PRMT3: variants seen among roughly 807,000 people sequenced by gnomAD.
PRMT3 encodes the protein protein arginine methyltransferase 3.
PRMT3 carries 62 observed loss-of-function variants against 71.9 expected under a neutral mutation model. That is an observed-to-expected ratio of 0.86 (90% CI 0.70 to 1.07). PRMT3 has a LOEUF of 1.07. Among genes scored for constraint, PRMT3 ranks in the 50% least tolerant of loss-of-function variants. PRMT3 has a pLI of 0.00. For missense variants in PRMT3, 663 were observed against 643.0 expected (o/e 1.03, Z -0.34); for synonymous variants, 213 against 220.4 (o/e 0.97, Z 0.30).
At chr11:20,505,865 CA>C (rs11309284) in intron 15 of PRMT3, among the ~76,000 whole-genome samples, 127,395 of 141,194 alleles carry the variant, frequency 0.9, 57,647 homozygotes, top group Middle Eastern at 0.98. Flanking sequence ...ATATTTTTAC[CA>C]AAAAAAAAAA....
chr11:20,425,144 T>C (rs541454173), intron 9 of PRMT3, among the ~76,000 whole-genome samples: 67 of 150,514 alleles, frequency 4.5e-4, no homozygotes, highest in African/African-American at 1.6e-3. Flanking sequence ...ACTGACCTGA[T>C]GTTTTAAATG....
chr11:20,409,718 A>G (rs1410290707), intron 9 of PRMT3, among the ~76,000 whole-genome samples: 1 of 151,834 alleles, frequency 6.6e-6, no homozygotes, highest in Non-Finnish European at 1.5e-5. Flanking sequence ...ATAGAATTAC[A>G]CATACATATA....
chr11:20,407,493 A>G (rs1395723925), intron 8 of PRMT3: 1 of 157,816 alleles, frequency 6.3e-6, no homozygotes, highest in East Asian at 1.8e-4. Flanking sequence ...TAATGTTTAT[A>G]AAAGTAATTA....
intron 11 of PRMT3, among the ~76,000 whole-genome samples, chr11:20,455,163 T>A (rs1222247507): frequency 6.6e-6 from 1 of 152,098 alleles, no homozygotes; most frequent in African/African-American, 2.4e-5. Context: ...TTTTTACAAC[T>A]ACGATTAAGA....
At chr11:20,485,353 T>C (rs1225993488) in intron 13 of PRMT3, among the ~76,000 whole-genome samples, 1 of 151,910 alleles carries the variant, frequency 6.6e-6, no homozygotes, top group East Asian at 1.9e-4. Context: ...CAAAACAACA[T>C]GAATCAAGAA....
intron 10 of PRMT3, among the ~76,000 whole-genome samples, chr11:20,433,258 G>C (rs1436001153): frequency 6.6e-6 from 1 of 151,602 alleles, no homozygotes; most frequent in East Asian, 1.9e-4. Context: ...TCTCGTATTC[G>C]TGAGTTCTCA....
chr11:20,446,059 T>C (rs1431099586), intron 10 of PRMT3, among the ~76,000 whole-genome samples: 1 of 152,134 alleles, frequency 6.6e-6, no homozygotes, highest in Admixed American at 6.6e-5. Context: ...ACGTGTGTGC[T>C]CTTACACTTC....
At chr11:20,493,782 CA>C (rs1851266413) in intron 13 of PRMT3, 136 bp from the exon 14 acceptor site, 1 of 612,898 alleles carries the variant, frequency 1.6e-6, no homozygotes, top group South Asian at 2.5e-5. Context: ...ACATCTTTTC[CA>C]GGAAAAATAT....
chr11:20,391,298 T>G (rs1293983125), intron 3 of PRMT3, among the ~76,000 whole-genome samples: 1 of 151,910 alleles, frequency 6.6e-6, no homozygotes, highest in Non-Finnish European at 1.5e-5. Flanking sequence ...CAGGCTGGAG[T>G]GCAATGGCAC....
chr11:20,468,116 A>G (rs1850555829), intron 13 of PRMT3, among the ~76,000 whole-genome samples: 3 of 152,210 alleles, frequency 2.0e-5, no homozygotes, highest in African/African-American at 7.2e-5. Context: ...AAAGTTTTTG[A>G]AAAAGCCTAG....
chr11:20,408,553 C>G (rs1360932828), intron 9 of PRMT3, among the ~76,000 whole-genome samples: 1 of 152,080 alleles, frequency 6.6e-6, no homozygotes, highest in South Asian at 2.1e-4. Context: ...AACTTTTATT[C>G]TCTAAAAATC....
At chr11:20,446,139 TA>T (rs907235331) in intron 10 of PRMT3, among the ~76,000 whole-genome samples, 1 of 152,122 alleles carries the variant, frequency 6.6e-6, no homozygotes, top group African/African-American at 2.4e-5. Context: ...TCTTACATGT[TA>T]ATTCCAAAGT....
At chr11:20,426,715 T>C (rs764270264) in intron 9 of PRMT3, 51 bp from the exon 10 acceptor site, 5 of 1,358,706 alleles carry the variant, frequency 3.7e-6, no homozygotes, top group African/African-American at 1.5e-5. Flanking sequence ...GTAATTTAAC[T>C]AGCTTTCAGA....
chr11:20,432,590 G>T (rs1281705854), intron 10 of PRMT3, among the ~76,000 whole-genome samples: 2 of 152,078 alleles, frequency 1.3e-5, no homozygotes, highest in African/African-American at 4.8e-5. Context: ...TAGTGTGATT[G>T]TTGGATCATA....
chr11:20,422,540 T>C (rs1297319427), intron 9 of PRMT3, among the ~76,000 whole-genome samples: 1 of 152,182 alleles, frequency 6.6e-6, no homozygotes, highest in Non-Finnish European at 1.5e-5. Flanking sequence ...GATTTTTCAC[T>C]ATCTTCCCCT....
intron 13 of PRMT3, among the ~76,000 whole-genome samples, chr11:20,484,899 A>G (rs898072620): frequency 6.6e-6 from 1 of 152,174 alleles, no homozygotes; most frequent in African/African-American, 2.4e-5. Flanking sequence ...CTAAGCCAAG[A>G]CTCAGAAAAG....
intron 15 of PRMT3, among the ~76,000 whole-genome samples, chr11:20,505,245 C>T (rs1221830423): frequency 3.9e-5 from 6 of 152,138 alleles, no homozygotes; most frequent in Admixed American, 3.9e-4. Context: ...CCCCCTCCCC[C>T]AGTCTGTATC....
intron 10 of PRMT3, among the ~76,000 whole-genome samples, chr11:20,451,517 G>C (rs73449276): frequency 0.038 from 5,743 of 151,258 alleles, 323 homozygotes; most frequent in African/African-American, 0.13. Flanking sequence ...ATACCAAAAA[G>C]AAAGTCACTA....
chr11:20,411,789 A>T (rs1849198380), intron 9 of PRMT3, among the ~76,000 whole-genome samples: 2 of 152,182 alleles, frequency 1.3e-5, no homozygotes, highest in South Asian at 4.1e-4. Flanking sequence ...ACATTTTAAA[A>T]AATAGTTTTA....
Sources: allele counts gnomAD v4.1 joint callset (sites outside exome capture counted in the v4.1 genomes callset), GRCh38; gene constraint gnomAD v4.1.1; transcripts MANE v1.5; gene names NCBI Gene and HGNC (gene_info 2026-07-23, HGNC 2026-07-21).